Variants in OBSL1 observed in about 807,000 individuals in gnomAD.
OBSL1 encodes the protein obscurin like cytoskeletal adaptor 1.
A neutral mutation model predicts 172.0 loss-of-function variants in OBSL1; 160 were observed. That is an observed-to-expected ratio of 0.93 (90% CI 0.82 to 1.06). The LOEUF (loss-of-function observed/expected upper bound fraction) is 1.06, where lower values mean the gene tolerates loss of function less well. OBSL1 is among the 50% of genes least tolerant of loss of function. The pLI, the probability that OBSL1 is intolerant of heterozygous loss-of-function variation, is 0.00. For synonymous variants in OBSL1, 1,200 were observed against 1,196.3 expected (o/e 1.00, Z -0.06); for missense variants, 2,681 against 2,715.4 (o/e 0.99, Z 0.28).
intron 19 of OBSL1, 111 bp downstream of exon 19, chr2:219,552,001 G>T (rs145602976): frequency 2.6e-6 from 3 of 1,164,790 alleles, no homozygotes; most frequent in Non-Finnish European, 2.5e-6. Context: ...GAGCCCCTCG[G>T]GGGGAAGGGA....
chr2:219,569,748 G>A (rs536121029), intron 1 of OBSL1, among the ~76,000 whole-genome samples: 3 of 152,150 alleles, frequency 2.0e-5, no homozygotes, highest in Non-Finnish European at 4.4e-5. Context: ...TCAAATTCCT[G>A]TATTCAATAA....
In OBSL1 at chr2:219,558,123, G is replaced by A; in HGVS notation, c.3503-13C>T. 13 of 1,612,820 alleles carry A rather than the reference G, an allele frequency of 8.1e-6. No individual in the cohort carries two copies. Among genetic ancestry groups the A allele is most frequent in the Non-Finnish European group, 1.1e-5 (13 of 1,179,390 alleles). ...TGCACTGGAGGCTCTGGAGAAGAGA[G>A]GAAGGTGTCATCCCATGCTTGCCCT... On this transcript the variant is annotated splice_polypyrimidine_tract_variant and intron_variant, in intron 10 of 20. Coordinates refer to ENST00000404537, the MANE Select transcript of OBSL1 (RefSeq NM_015311.3).
At chr2:219,569,514 A>C (rs1464966616) in intron 1 of OBSL1, 1 of 152,148 alleles carries the variant, frequency 6.6e-6, no homozygotes, top group Non-Finnish European at 1.5e-5. Context: ...CATTTATTGG[A>C]TATTGTTGGT....
Position 219,568,154 on chromosome 2 carries a change from G to A in OBSL1, c.1183C>T (p.Arg395Trp), listed in dbSNP as rs780094050. The stretch of plus-strand genomic sequence containing the variant: ...TTCAGCCTGTGGATGATGAGGCGCC[G>A]GACAGTGCCCTCTTCGATCTGCTCG... Reference protein sequence around the residue: ...KYEQIEEGTVRRLIIHRLKAD... With the variant: ...KYEQIEEGTVWRLIIHRLKAD... The change falls in exon 2 of 21, where the codon CGG becomes TGG. Residue 395 changes from arginine to tryptophan, a missense_variant. Physicochemically the swap from Arg to Trp is moderately radical, Grantham distance 101. This residue lies in a region of OBSL1 where 706 missense variants were observed against 695.8 expected (regional missense o/e 1.01). Transcript: ENST00000404537. The surrounding 1 kb of genome is among the most constrained non-coding windows in gnomAD (Gnocchi z 4.1). The A allele has an allele frequency of 1.7e-5, 28 of 1,613,690 alleles. No homozygotes were observed. Among genetic ancestry groups the A allele is most frequent in the Non-Finnish European group, 2.0e-5 (24 of 1,179,908 alleles).
Position 219,558,363 on chromosome 2 carries a change from G to C in OBSL1, c.3323C>G (p.Ala1108Gly), listed in dbSNP as rs143493175. Reference sequence around the variant, plus strand: ...CTTGTACCAGCGCACCTGAGACCCAGCTGGGGCCACCTCACAGCGCAGCTC... The same window carrying C: ...CTTGTACCAGCGCACCTGAGACCCACCTGGGGCCACCTCACAGCGCAGCTC... ...RVELRCEVAP[A>G]GSQVRWYKDG... Residue 1108 changes from alanine to glycine, a missense_variant, in exon 10 of 21, where the codon GCT becomes GGT. This residue lies in a region of OBSL1 where 1,765 missense variants were observed against 1,748.3 expected (regional missense o/e 1.01). Transcript: ENST00000404537. 1.9e-4 allele frequency: 309 copies of C among 1,611,882 alleles called. No individual in the cohort carries two copies. The African/African-American group carries it at 3.8e-3, about 20-fold the overall frequency.
chr2:219,562,641 T>A lies in OBSL1; in HGVS notation c.2714A>T (p.Lys905Met), dbSNP rs1696567858. 1 of 1,571,630 alleles carries A rather than the reference T, an allele frequency of 6.4e-7. No individual in the cohort carries two copies. Among genetic ancestry groups the A allele is most frequent in the Admixed American group, 1.9e-5 (1 of 53,174 alleles). Reference sequence around the variant, plus strand: ...CAGGCGCACGGCTGCCACATACACCTTGCCGCTGGGATACACGATCCACGA... The same window carrying A: ...CAGGCGCACGGCTGCCACATACACCATGCCGCTGGGATACACGATCCACGA... The part of the protein sequence containing the change: ...VSSWIVYPSG[K>M]VYVAAVRLER... The change falls in exon 8 of 21, where the codon AAG becomes ATG. Residue 905 changes from lysine to methionine, a missense_variant. This residue lies in a region of OBSL1 where 1,765 missense variants were observed against 1,748.3 expected (regional missense o/e 1.01). Transcript: ENST00000404537.
At chr2:219,553,508 TC>T (rs1175853585) in intron 16 of OBSL1, 65 bp downstream of exon 16, 5 of 1,143,070 alleles carry the variant, frequency 4.4e-6, no homozygotes, top group Non-Finnish European at 6.5e-6. Context: ...ATTAGCTGTT[TC>T]TGTCTGGGGC....
Position 219,563,548 on chromosome 2 carries a change from A to G in OBSL1, c.2487T>C (p.Cys829=), listed in dbSNP as rs980255758. The change falls in exon 7 of 21, where the codon TGT becomes TGC. Residue 829 remains cysteine, a synonymous_variant. Coordinates refer to ENST00000404537, the MANE Select transcript of OBSL1 (RefSeq NM_015311.3). ...AITSECVMLA[C]EVDREDAPVR... ...CAGGGGCGTCCTCTCGGTCCACCTCACAGGCCAGCATGACACACTCGGAAG... is the reference window on the plus strand; with the variant it reads ...CAGGGGCGTCCTCTCGGTCCACCTCGCAGGCCAGCATGACACACTCGGAAG... 3 of 1,612,786 alleles carry G rather than the reference A, an allele frequency of 1.9e-6. No homozygotes were observed. The highest frequency in any genetic ancestry group is 1.7e-6 in the Non-Finnish European group (2 of 1,179,794).
rs1039900 is a variant in OBSL1, at chr2:219,559,765, G to A, written c.2954-268C>T. On this transcript the variant is annotated intron_variant, in intron 8 of 20. Coordinates refer to ENST00000404537, the MANE Select transcript of OBSL1 (RefSeq NM_015311.3). ...CCCCACGGGAGCCTCCCCCTTCATC[G>A]GTCACGTTAACATGTCTGTGGTATA... The A allele has an allele frequency of 0.43, 199,435 of 461,726 alleles. 45,163 individuals carry two copies. Among genetic ancestry groups the A allele is most frequent in the African/African-American group, 0.54 (27,856 of 51,848 alleles). 28.6% of individuals were successfully genotyped at this position (461,726 alleles called of 1,614,324 possible). A position where few individuals can be genotyped will look rare whatever the true frequency, so the allele number is the denominator to read the frequency against.
chr2:219,551,102 G>A (rs1380924969), intron 20 of OBSL1: 1 of 1,411,452 alleles, frequency 7.1e-7, no homozygotes, highest in Non-Finnish European at 9.2e-7. Context: ...GAAAGAAAGA[G>A]GCTTCTGCCA....
intron 4 of OBSL1, 41 bp from the exon 5 acceptor site, chr2:219,567,167 G>A (rs1696962543): frequency 6.3e-7 from 1 of 1,597,474 alleles, no homozygotes; most frequent in Non-Finnish European, 8.6e-7. Flanking sequence ...ACTAGAAGGT[G>A]TGGCAGAGGG....
chr2:219,566,661 G>A (rs1471424493), intron 5 of OBSL1, among the ~76,000 whole-genome samples, 169 bp downstream of exon 5: 1 of 152,188 alleles, frequency 6.6e-6, no homozygotes, highest in Non-Finnish European at 1.5e-5. Flanking sequence ...TTGCATGTGG[G>A]TTGAAATTGG....
At position 219,570,471 on chromosome 2, in the gene OBSL1, G is replaced by A. The variant is rs199929590; in HGVS notation, c.762C>T (p.Thr254=). Residue 254 remains threonine (T), a synonymous_variant, in exon 1 of 21, where the codon ACC becomes ACT. Coordinates refer to ENST00000404537, the MANE Select transcript of OBSL1 (RefSeq NM_015311.3). The part of the protein sequence containing the change: ...VVEPLKCAPK[T]FWVNEGKHAK... ...CGTGCTTGCCCTCGTTCACCCAGAA[G>A]GTCTTAGGCGCGCACTTGAGCGGCT... 1.8e-3 allele frequency: 2,931 copies of A among 1,612,912 alleles called. 7 individuals are homozygous for A. Among genetic ancestry groups the A allele is most frequent in the Non-Finnish European group, 2.3e-3 (2,746 of 1,179,542 alleles).
rs1420211485 is a variant in OBSL1 at position 219,559,320 on chromosome 2, C to T, written c.3131G>A (p.Cys1044Tyr). The stretch of plus-strand genomic sequence containing the variant: ...CTGAGCAGCAGGTAGCACCAGGCGG[C>T]AGCGTGGCCCATCCCTCTCCAGCAC... ...ALVLERDGPR[C>Y]RLVLPAAQPE... The change falls in exon 9 of 21, where the codon TGC (cysteine) becomes TAC (tyrosine). Residue 1044 changes from cysteine to tyrosine, a missense_variant. Cys to Tyr is a radical substitution (Grantham distance 194). Transcript: ENST00000404537. The T allele has an allele frequency of 6.2e-7, 1 of 1,613,986 alleles. No individual in the cohort carries two copies. The highest frequency in any genetic ancestry group is 8.5e-7 in the Non-Finnish European group (1 of 1,179,876).
chr2:219,551,490 C>T (rs1328592116), intron 20 of OBSL1, 39 bp downstream of exon 20: 9 of 1,537,296 alleles, frequency 5.9e-6, no homozygotes, highest in African/African-American at 1.4e-5. Context: ...CTCCCAGGCG[C>T]CCTCACCCTC....
chr2:219,557,968 C>G lies in OBSL1; in HGVS notation c.3645G>C (p.Glu1215Asp). The change falls in exon 11 of 21, where the codon GAG becomes GAC. Residue 1215 changes from glutamate (E) to aspartate (D), a missense_variant. Physicochemically the swap from Glu to Asp is conservative, Grantham distance 45. This residue lies in a region of OBSL1 where 1,765 missense variants were observed against 1,748.3 expected (regional missense o/e 1.01). Transcript: ENST00000404537. ...VWSHNGRPVQ[E>D]GEGLELHAEG... ...CGGCATGGAGCTCTAGGCCCTCGCC[C>G]TCCTGCACGGGCCTCCCATTGTGGC... is the stretch of plus-strand genomic sequence containing the variant. The G allele has an allele frequency of 1.2e-6, 2 of 1,610,008 alleles. No homozygotes were observed. The highest frequency in any genetic ancestry group is 1.7e-6 in the Non-Finnish European group (2 of 1,179,000).
intron 7 of OBSL1, chr2:219,562,945 G>A (rs776635953): frequency 3.6e-6 from 2 of 549,520 alleles, no homozygotes; most frequent in Non-Finnish European, 3.2e-6. Flanking sequence ...CATTCTCTGG[G>A]TTGGGACAGG....
In OBSL1 at chr2:219,556,638, G is replaced by A. The variant is rs957696912; in HGVS notation, c.4152C>T (p.Ser1384=). ...GCCAGGTGACATCGGCATCTGGTGGGGAGACTTCACACCGGAACGTGGCAT... is the reference window on the plus strand; with the variant it reads ...GCCAGGTGACATCGGCATCTGGTGGAGAGACTTCACACCGGAACGTGGCAT... ...GDDATFRCEV[S]PPDADVTWLR... The change falls in exon 13 of 21, where the codon TCC becomes TCT. Residue 1384 remains serine, a synonymous_variant. Coordinates refer to ENST00000404537, the MANE Select transcript of OBSL1 (RefSeq NM_015311.3). 1.5e-5 allele frequency: 24 copies of A among 1,613,786 alleles called. No individual in the cohort carries two copies. The highest frequency in any genetic ancestry group is 5.3e-5 in the African/African-American group (4 of 74,904).
At chr2:219,563,669 A>G in intron 6 of OBSL1, 42 bp from the exon 7 acceptor site, 1 of 1,585,562 alleles carries the variant, frequency 6.3e-7, no homozygotes, top group Non-Finnish European at 8.6e-7. Context: ...ACACCCCCGC[A>G]CAATGAGTCC....
Sources: allele counts gnomAD v4.1 joint callset (sites outside exome capture counted in the v4.1 genomes callset), GRCh38; gene constraint gnomAD v4.1.1; regional missense constraint gnomAD v4.1.1; non-coding constraint Gnocchi (gnomAD v3.1); transcripts MANE v1.5; gene names NCBI Gene and HGNC (gene_info 2026-07-23, HGNC 2026-07-21).